SH3RF3: variants seen among roughly 807,000 people sequenced by gnomAD.
SH3RF3 encodes E3 ubiquitin-protein ligase SH3RF3.
In SH3RF3, 29 loss-of-function variants were observed where a neutral mutation model predicts 66.3. The observed-to-expected ratio is 0.44, with a 90% CI of 0.33 to 0.60. The LOEUF is 0.60. Among genes scored for constraint, SH3RF3 ranks in the 20% least tolerant of loss-of-function variants. The probability of loss-of-function intolerance (pLI) is 0.04; values close to 1 mark genes in which losing one functional copy is unlikely to be tolerated. For synonymous variants in SH3RF3, 583 were observed against 532.0 expected (o/e 1.10, Z -1.32); for missense variants, 1,194 against 1,190.9 (o/e 1.00, Z -0.04).
chr2:109,296,864 C>G (rs946455154), intron 1 of SH3RF3, among the ~76,000 whole-genome samples: 1 of 152,180 alleles, frequency 6.6e-6, no homozygotes, highest in Non-Finnish European at 1.5e-5. Context: ...CCTGACAGCA[C>G]TGCTATAGCA....
intron 1 of SH3RF3, among the ~76,000 whole-genome samples, chr2:109,292,021 G>A (rs550962336): frequency 4.6e-5 from 7 of 152,134 alleles, no homozygotes; most frequent in East Asian, 3.9e-4. Context: ...ACGCCACCAC[G>A]CCCAGCTAAT....
chr2:109,460,434 A>G (rs1678180022), intron 8 of SH3RF3, among the ~76,000 whole-genome samples: 1 of 152,168 alleles, frequency 6.6e-6, no homozygotes, highest in South Asian at 2.1e-4. Flanking sequence ...TGGTAGTCGT[A>G]GCCAGGTTGG....
At chr2:109,265,025 A>G (rs1257600095) in intron 1 of SH3RF3, among the ~76,000 whole-genome samples, 1 of 152,310 alleles carries the variant, frequency 6.6e-6, no homozygotes, top group Non-Finnish European at 1.5e-5. Flanking sequence ...AGCCTGGGGA[A>G]CCTGGCCAGC....
intron 1 of SH3RF3, among the ~76,000 whole-genome samples, chr2:109,177,145 A>G (rs1677935452): frequency 6.6e-6 from 1 of 152,182 alleles, no homozygotes; most frequent in South Asian, 2.1e-4. Flanking sequence ...ATCTGCCTTT[A>G]TCTTTTCTTT....
intron 1 of SH3RF3, among the ~76,000 whole-genome samples, chr2:109,226,658 CG>C (rs1193317951): frequency 3.3e-5 from 5 of 152,140 alleles, no homozygotes; most frequent in Non-Finnish European, 5.9e-5. Flanking sequence ...TGACTTCTCC[CG>C]GGGCCATGCA....
intron 1 of SH3RF3, among the ~76,000 whole-genome samples, chr2:109,136,875 C>G (rs1221518504): frequency 6.6e-6 from 1 of 152,104 alleles, no homozygotes; most frequent in African/African-American, 2.4e-5. Flanking sequence ...CAGCCGGGCT[C>G]TCTGAGAGCA....
chr2:109,312,037 C>T (rs1402751480), intron 1 of SH3RF3, among the ~76,000 whole-genome samples: 3 of 142,130 alleles, frequency 2.1e-5, no homozygotes, highest in South Asian at 2.2e-4. Flanking sequence ...GCGTTGTGGC[C>T]GGTGTAGCAG....
At chr2:109,288,297 C>G (rs1197893276) in intron 1 of SH3RF3, among the ~76,000 whole-genome samples, 1 of 152,200 alleles carries the variant, frequency 6.6e-6, no homozygotes, top group Admixed American at 6.5e-5. Flanking sequence ...TAACTCCTTT[C>G]AGAGTTATTG....
At chr2:109,462,663 C>G (rs1234271866) in intron 8 of SH3RF3, among the ~76,000 whole-genome samples, 3 of 152,210 alleles carry the variant, frequency 2.0e-5, no homozygotes, top group Non-Finnish European at 4.4e-5. Flanking sequence ...ACTGGCCTTT[C>G]TTGCATAACA....
At chr2:109,265,503 C>T (rs1282908745) in intron 1 of SH3RF3, among the ~76,000 whole-genome samples, 1 of 152,210 alleles carries the variant, frequency 6.6e-6, no homozygotes, top group Non-Finnish European at 1.5e-5. Context: ...CCCTGCTGCC[C>T]ACCCTTAGGC....
intron 3 of SH3RF3, among the ~76,000 whole-genome samples, chr2:109,386,409 A>G (rs1486016102): frequency 6.6e-6 from 1 of 152,148 alleles, no homozygotes; most frequent in African/African-American, 2.4e-5. Context: ...GACTGTTACA[A>G]GAAGTTTAAA....
chr2:109,488,460 G>A (rs1165494886), intron 8 of SH3RF3, among the ~76,000 whole-genome samples: 1 of 152,186 alleles, frequency 6.6e-6, no homozygotes, highest in African/African-American at 2.4e-5. Context: ...CCTGGCCTGC[G>A]GAGGGGCTGA....
intron 3 of SH3RF3, among the ~76,000 whole-genome samples, chr2:109,396,654 A>C (rs1243908401): frequency 6.6e-6 from 1 of 152,188 alleles, no homozygotes; most frequent in Non-Finnish European, 1.5e-5. Flanking sequence ...TCACTGATTG[A>C]CAGCATTGAG....
intron 1 of SH3RF3, among the ~76,000 whole-genome samples, chr2:109,190,416 C>T (rs1236757803): frequency 6.6e-6 from 1 of 152,218 alleles, no homozygotes; most frequent in Non-Finnish European, 1.5e-5. Flanking sequence ...TCAGGCGATC[C>T]ACCCGCCTCG....
chr2:109,318,100 C>A (rs528743517), intron 1 of SH3RF3, among the ~76,000 whole-genome samples: 97 of 134,510 alleles, frequency 7.2e-4, no homozygotes, highest in African/African-American at 1.2e-3. Context: ...TTTCAGTACG[C>A]AAAAAAAAAA....
At chr2:109,269,684 C>T (rs1680581951) in intron 1 of SH3RF3, among the ~76,000 whole-genome samples, 1 of 152,120 alleles carries the variant, frequency 6.6e-6, no homozygotes, top group Non-Finnish European at 1.5e-5. Flanking sequence ...GAGGCTGAGG[C>T]ACGAGATTTG....
At chr2:109,331,910 TG>T (rs1225433102) in intron 1 of SH3RF3, among the ~76,000 whole-genome samples, 5 of 152,194 alleles carry the variant, frequency 3.3e-5, no homozygotes, top group Non-Finnish European at 5.9e-5. Flanking sequence ...ACTGCCTCTC[TG>T]GAGGGGTTTG....
intron 4 of SH3RF3, among the ~76,000 whole-genome samples, chr2:109,400,955 TA>T (rs1056060617): frequency 1.1e-4 from 17 of 152,224 alleles, no homozygotes; most frequent in African/African-American, 4.1e-4. Context: ...TGACCTGGGC[TA>T]AATTCTTCTT....
chr2:109,148,762 CAG>C (rs535949994), intron 1 of SH3RF3, among the ~76,000 whole-genome samples: 15 of 152,292 alleles, frequency 9.8e-5, no homozygotes, highest in South Asian at 4.1e-4. Flanking sequence ...CGGTCATAGA[CAG>C]ATGCTTGTTT....
Sources: gnomAD v4.1 joint callset for allele counts (sites outside exome capture counted in the v4.1 genomes callset) on GRCh38, gnomAD v4.1.1 for gene constraint, MANE v1.5 for transcripts, NCBI Gene and HGNC (gene_info 2026-07-23, HGNC 2026-07-21) for gene names.